NXPE4: variants seen among roughly 807,000 people sequenced by gnomAD.
The protein encoded by NXPE4 is neurexophilin and PC-esterase domain family member 4.
In NXPE4, 42 loss-of-function variants were observed where a neutral mutation model predicts 33.3. The observed-to-expected ratio is 1.26, with a 90% CI of 0.98 to 1.63. NXPE4 has a LOEUF of 1.63. Ranked by LOEUF, NXPE4 falls within the 40% of genes most tolerant of loss-of-function variation. NXPE4 has a pLI of 0.00. For missense variants in NXPE4, 709 were observed against 647.6 expected (o/e 1.09, Z -1.03); for synonymous variants, 253 against 234.9 (o/e 1.08, Z -0.71).
the NXPE4 span, among the ~76,000 whole-genome samples, chr11:114,621,055 G>A: frequency 7.9e-5 from 12 of 152,172 alleles, no homozygotes; most frequent in East Asian, 3.9e-4. Flanking sequence ...GTGTTGCCTC[G>A]TTGGTAACCA....
chr11:114,664,475 A>G, the NXPE4 span, among the ~76,000 whole-genome samples: 1 of 152,162 alleles, frequency 6.6e-6, no homozygotes, highest in Non-Finnish European at 1.5e-5. Flanking sequence ...ATTTTACTTC[A>G]CGTAAATTGC....
chr11:114,642,993 T>A, the NXPE4 span, among the ~76,000 whole-genome samples: 1 of 152,192 alleles, frequency 6.6e-6, no homozygotes, highest in Non-Finnish European at 1.5e-5. Flanking sequence ...GGTTTTGATT[T>A]GCATTTCTCT....
upstream of NXPE4, among the ~76,000 whole-genome samples, chr11:114,599,808 C>A (rs1949617574): frequency 6.6e-6 from 1 of 152,146 alleles, no homozygotes; most frequent in Middle Eastern, 3.4e-3. Context: ...GAACTCTGCC[C>A]CCGTGATCCA....
At chr11:114,578,460 G>A (rs1029242245) in intron 5 of NXPE4, among the ~76,000 whole-genome samples, 1 of 152,178 alleles carries the variant, frequency 6.6e-6, no homozygotes, top group Non-Finnish European at 1.5e-5. Flanking sequence ...ACTAGACCCT[G>A]AATTTTGTAG....
the NXPE4 span, among the ~76,000 whole-genome samples, chr11:114,605,504 C>A: frequency 6.6e-6 from 1 of 151,690 alleles, no homozygotes; most frequent in Non-Finnish European, 1.5e-5. Context: ...ATAAGTGTTG[C>A]CCCGTGGGTA....
chr11:114,648,480 G>A, the NXPE4 span, among the ~76,000 whole-genome samples: 1 of 152,172 alleles, frequency 6.6e-6, no homozygotes, highest in African/African-American at 2.4e-5. Context: ...CTACATTGGG[G>A]AGGACAATTT....
chr11:114,645,348 C>T, the NXPE4 span, among the ~76,000 whole-genome samples: 11 of 151,968 alleles, frequency 7.2e-5, no homozygotes, highest in African/African-American at 2.7e-4. Flanking sequence ...AAAAGATTCC[C>T]TATACCACAT....
intron 5 of NXPE4, among the ~76,000 whole-genome samples, chr11:114,579,251 C>T (rs951949431): frequency 5.3e-5 from 8 of 152,154 alleles, no homozygotes; most frequent in African/African-American, 1.9e-4. Flanking sequence ...AGAACTCACT[C>T]ATTACCATGG....
chr11:114,607,784 A>C, the NXPE4 span, among the ~76,000 whole-genome samples: 3 of 147,384 alleles, frequency 2.0e-5, no homozygotes, highest in South Asian at 4.3e-4. Flanking sequence ...CCACTGTTAC[A>C]CGGTGGAGAA....
chr11:114,621,429 C>A, the NXPE4 span, among the ~76,000 whole-genome samples: 1 of 151,952 alleles, frequency 6.6e-6, no homozygotes, highest in African/African-American at 2.4e-5. Context: ...ATAAGTATTG[C>A]CTCTAAGGTA....
chr11:114,593,788 G>GACA (rs1330019439), intron 2 of NXPE4, among the ~76,000 whole-genome samples: 8 of 152,016 alleles, frequency 5.3e-5, no homozygotes, highest in African/African-American at 1.9e-4. Context: ...TCCATCAACA[G>GACA]ACAAATACAT....
chr11:114,662,038 C>A, the NXPE4 span, among the ~76,000 whole-genome samples: 1 of 152,150 alleles, frequency 6.6e-6, no homozygotes, highest in Non-Finnish European at 1.5e-5. Context: ...CCCGCAAGGA[C>A]ACCAATTTAA....
chr11:114,600,509 T>A (rs981449182), upstream of NXPE4, among the ~76,000 whole-genome samples: 1 of 152,110 alleles, frequency 6.6e-6, no homozygotes, highest in African/African-American at 2.4e-5. Context: ...ATAACTTCAA[T>A]GTAATTATGA....
chr11:114,624,638 A>G, the NXPE4 span, among the ~76,000 whole-genome samples: 4 of 152,012 alleles, frequency 2.6e-5, no homozygotes, highest in African/African-American at 9.7e-5. Context: ...CCCAGTGGAT[A>G]ATAAGTATTG....
chr11:114,637,807 C>T, the NXPE4 span, among the ~76,000 whole-genome samples: 1 of 152,122 alleles, frequency 6.6e-6, no homozygotes, highest in South Asian at 2.1e-4. Context: ...TCTCTTCTGG[C>T]TTGTAGAGTT....
chr11:114,610,754 T>C, the NXPE4 span, among the ~76,000 whole-genome samples: 831 of 152,056 alleles, frequency 5.5e-3, 2 homozygotes, highest in Non-Finnish European at 7.9e-3. Flanking sequence ...GGATAATAAG[T>C]GTTGCCTTGT....
At chr11:114,606,540 AG>A in the NXPE4 span, among the ~76,000 whole-genome samples, 1 of 151,688 alleles carries the variant, frequency 6.6e-6, no homozygotes, top group Non-Finnish European at 1.5e-5. Context: ...TTGGATAATA[AG>A]TGTTGCCTCA....
At chr11:114,620,267 C>T in the NXPE4 span, among the ~76,000 whole-genome samples, 65,406 of 151,818 alleles carry the variant, frequency 0.43, 15,291 homozygotes, top group African/African-American at 0.61. Context: ...TGGGTAACTA[C>T]GGTTACCCGG....
the NXPE4 span, among the ~76,000 whole-genome samples, chr11:114,630,306 T>C: frequency 6.6e-6 from 1 of 151,782 alleles, no homozygotes; most frequent in Non-Finnish European, 1.5e-5. Context: ...AACAGCATGG[T>C]ACTGGTACCA....
Sources: allele counts gnomAD v4.1 joint callset (sites outside exome capture counted in the v4.1 genomes callset), GRCh38; gene constraint gnomAD v4.1.1; transcripts MANE v1.5; gene names NCBI Gene and HGNC (gene_info 2026-07-23, HGNC 2026-07-21).